Variants in CEP350 observed in about 807,000 individuals in gnomAD.
CEP350 encodes the protein centrosome-associated protein 350.
A neutral mutation model predicts 331.8 loss-of-function variants in CEP350; 126 were observed. The ratio of observed to expected loss-of-function variants is 0.38; its 90% confidence interval spans 0.33 to 0.44. The LOEUF (loss-of-function observed/expected upper bound fraction) is 0.44, where lower values mean the gene tolerates loss of function less well. CEP350 is among the 20% of genes least tolerant of loss of function. The pLI, the probability that CEP350 is intolerant of heterozygous loss-of-function variation, is 1.00. For synonymous variants in CEP350, 1,200 were observed against 1,259.5 expected, an observed-to-expected ratio of 0.95 and a Z score of 1.00; for missense variants, 3,406 against 3,634.6, an observed-to-expected ratio of 0.94 and a Z score of 1.62.
chr1:180,102,807 A>C (rs1174518950), intron 37 of CEP350, among the ~76,000 whole-genome samples: 3 of 152,228 alleles, frequency 2.0e-5, no homozygotes, highest in Non-Finnish European at 4.4e-5. Flanking sequence ...ATAGAATTTT[A>C]AGTTGATAGC....
intron 1 of CEP350, among the ~76,000 whole-genome samples, chr1:179,965,350 G>A (rs1350770667): frequency 6.6e-6 from 1 of 152,154 alleles, no homozygotes; most frequent in Non-Finnish European, 1.5e-5. Flanking sequence ...TCCATGTGCA[G>A]ATGAGAGTGT....
intron 25 of CEP350, among the ~76,000 whole-genome samples, chr1:180,060,383 T>C (rs1415569501): frequency 6.6e-6 from 1 of 152,240 alleles, no homozygotes; most frequent in African/African-American, 2.4e-5. Context: ...GCACAGTGGC[T>C]CATGCCTATA....
intron 21 of CEP350, 83 bp from the exon 22 acceptor site, chr1:180,048,453 A>G (rs1234955644): frequency 1.2e-6 from 1 of 859,616 alleles, no homozygotes; most frequent in African/African-American, 1.7e-5. Flanking sequence ...AAGTACAGTC[A>G]TTTGGCCAAA....
At chr1:180,090,557 A>AAG (rs1553265974) in intron 32 of CEP350, among the ~76,000 whole-genome samples, 157 bp from the exon 33 acceptor site, 1 of 92,244 alleles carries the variant, frequency 1.1e-5, no homozygotes, top group Admixed American at 1.8e-4. Flanking sequence ...AAAAAAAAAA[A>AAG]AAAAAAAAAA....
chr1:180,070,194 C>T (rs1301946492), intron 27 of CEP350, among the ~76,000 whole-genome samples: 3 of 152,166 alleles, frequency 2.0e-5, no homozygotes, highest in African/African-American at 7.2e-5. Context: ...CAGTAACATC[C>T]TAAACAAATA....
At chr1:180,024,606 C>G in intron 14 of CEP350, 24 bp downstream of exon 14, 1 of 1,581,802 alleles carries the variant, frequency 6.3e-7, no homozygotes. Context: ...CACATGGTAA[C>G]TTTTTCTCTT....
chr1:179,957,737 A>G (rs979022981), intron 1 of CEP350, among the ~76,000 whole-genome samples: 11 of 152,196 alleles, frequency 7.2e-5, no homozygotes, highest in Non-Finnish European at 1.5e-4. Flanking sequence ...ACAGCCTGGG[A>G]TTAAAAAGCC....
chr1:179,964,846 TTGTA>T (rs1444285683), intron 1 of CEP350, among the ~76,000 whole-genome samples: 1 of 151,940 alleles, frequency 6.6e-6, no homozygotes, highest in Admixed American at 6.6e-5. Context: ...TGTTGATCCT[TTGTA>T]TGTTTTTTTT....
intron 7 of CEP350, among the ~76,000 whole-genome samples, chr1:180,004,933 TTC>T (rs1446707261): frequency 1.5e-4 from 15 of 99,748 alleles, no homozygotes; most frequent in East Asian, 1.4e-3. Flanking sequence ...CTTTCTTTCT[TTC>T]TTTCTTTCTT....
intron 36 of CEP350, 50 bp from the exon 37 acceptor site, chr1:180,098,813 C>G (rs1660636626): frequency 1.3e-6 from 2 of 1,556,234 alleles, no homozygotes; most frequent in Non-Finnish European, 1.8e-6. Flanking sequence ...ACACATGAAA[C>G]TCAGGAATTT....
chr1:180,048,436 G>T, intron 21 of CEP350, 100 bp from the exon 22 acceptor site: 1 of 700,048 alleles, frequency 1.4e-6, no homozygotes, highest in Non-Finnish European at 2.4e-6. Flanking sequence ...TTTTTATCTT[G>T]ACTATAAAGT....
chr1:180,078,930 AAC>A (rs1659402421), intron 29 of CEP350, among the ~76,000 whole-genome samples: 1 of 152,204 alleles, frequency 6.6e-6, no homozygotes, highest in African/African-American at 2.4e-5. Context: ...CTTTATGAAA[AAC>A]AGTTTGTAGG....
chr1:180,022,073 G>A (rs1226203222), intron 12 of CEP350, among the ~76,000 whole-genome samples: 1 of 152,030 alleles, frequency 6.6e-6, no homozygotes, highest in Admixed American at 6.5e-5. Flanking sequence ...GCTCAACTGG[G>A]TATCACATTG....
chr1:179,991,665 A>ATGTGTGTGTGTG (rs1478542787), intron 4 of CEP350, among the ~76,000 whole-genome samples: 12 of 68,690 alleles, frequency 1.7e-4, no homozygotes, highest in East Asian at 5.1e-4. Context: ...GTATATATAT[A>ATGTGTGTGTGTG]TATGTGTGTG....
Position 180,020,210 on chromosome 1 carries a change from A to G in CEP350, c.2436A>G (p.Lys812=). ...CTGCTTATACAGATGCCTTGTTAAA[A>G]CCTAGTGCCAGCCAATATAAGAGTA... ...SPAAYTDALL[K]PSASQYKSKL... Residue 812 remains lysine (K), a synonymous_variant, in exon 12 of 38, where the codon AAA becomes AAG. Transcript: ENST00000367607. 1.2e-6 allele frequency: 2 copies of G among 1,614,012 alleles called. No individual in the cohort carries two copies. Among genetic ancestry groups the G allele is most frequent in the South Asian group, 2.2e-5 (2 of 91,082 alleles).
At chr1:180,010,654 C>T (rs1654583406) in intron 8 of CEP350, among the ~76,000 whole-genome samples, 1 of 150,926 alleles carries the variant, frequency 6.6e-6, no homozygotes, top group Non-Finnish European at 1.5e-5. Context: ...CAGGCTGGAG[C>T]ACAGTGGCAT....
intron 37 of CEP350, among the ~76,000 whole-genome samples, chr1:180,106,838 A>T (rs1301098180): frequency 3.3e-5 from 5 of 151,288 alleles, no homozygotes; most frequent in African/African-American, 9.7e-5. Flanking sequence ...TCTTACTTAT[A>T]GTACTTACAG....
Position 180,093,124 on chromosome 1 carries a change from A to C in CEP350, c.7019A>C (p.His2340Pro). The C allele has an allele frequency of 1.9e-6, 3 of 1,602,330 alleles. No homozygotes were observed. The highest frequency in any genetic ancestry group is 1.7e-6 in the Non-Finnish European group (2 of 1,173,630). Residue 2340 changes from histidine (H) to proline (P), a missense_variant, in exon 34 of 38, where the codon CAT becomes CCT. Physicochemically the swap from His to Pro is moderately conservative, Grantham distance 77 (BLOSUM62 -2). This residue lies in a region of CEP350 where 1,415 missense variants were observed against 1,512.3 expected (regional missense o/e 0.94). Coordinates refer to ENST00000367607, the MANE Select transcript of CEP350 (RefSeq NM_014810.5). ...AGACAGTCAGATCAAGATATGAATCATAGTCCAAACATCCAATCAGGAAAA... is the reference window on the plus strand; with the variant it reads ...AGACAGTCAGATCAAGATATGAATCCTAGTCCAAACATCCAATCAGGAAAA... ...KERQSDQDMN[H>P]SPNIQSGKDI...
At position 180,043,103 on chromosome 1, in the gene CEP350, A is replaced by G; in HGVS notation, c.4410A>G (p.Ser1470=). Residue 1470 remains serine (S), a synonymous_variant, in exon 20 of 38, where the codon TCA becomes TCG. Transcript: ENST00000367607. ...RTHISDAVVA[S]GAPLAILYDH... The stretch of plus-strand genomic sequence containing the variant: ...ATATCTCAGATGCTGTCGTGGCTTC[A>G]GGAGCTCCCCTTGCAATACTGTATG... 3 of 1,613,808 alleles carry G rather than the reference A, an allele frequency of 1.9e-6. No homozygotes were observed. The highest frequency in any genetic ancestry group is 1.7e-6 in the Non-Finnish European group (2 of 1,179,776).
Sources: allele counts gnomAD v4.1 joint callset (sites outside exome capture counted in the v4.1 genomes callset), GRCh38; gene constraint gnomAD v4.1.1; regional missense constraint gnomAD v4.1.1; transcripts MANE v1.5; gene names NCBI Gene and HGNC (gene_info 2026-07-23, HGNC 2026-07-21).